ISLR2: variants seen among roughly 807,000 people sequenced by gnomAD.
ISLR2 encodes the protein immunoglobulin superfamily containing leucine rich repeat 2.
A neutral mutation model predicts 25.5 loss-of-function variants in ISLR2; 16 were observed. That is an observed-to-expected ratio of 0.63 (90% CI 0.43 to 0.95). The LOEUF is 0.95. Ranked by LOEUF, ISLR2 falls within the 40% of genes least tolerant of loss-of-function variation. The pLI is 0.00. For missense variants in ISLR2, 883 were observed against 1,030.7 expected, an observed-to-expected ratio of 0.86 and a Z score of 1.96; for synonymous variants, 508 against 486.6, an observed-to-expected ratio of 1.04 and a Z score of -0.58.
At chr15:74,137,501 A>G (rs1444402801), downstream of ISLR2, among the ~76,000 whole-genome samples, 1 of 152,172 alleles carries the variant, frequency 6.6e-6, no homozygotes, top group African/African-American at 2.4e-5. Context: ...CTGGGGAATC[A>G]GGGTTGAAAA....
At chr15:74,141,017 C>A (rs190380774), downstream of ISLR2, among the ~76,000 whole-genome samples, 28 of 152,184 alleles carry the variant, frequency 1.8e-4, no homozygotes, top group Non-Finnish European at 1.0e-4. Flanking sequence ...ATCCAAAGGC[C>A]CCATGATGGG....
chr15:74,111,464 AT>A (rs36035436), intron 2 of ISLR2, among the ~76,000 whole-genome samples: 1 of 151,634 alleles, frequency 6.6e-6, no homozygotes, highest in African/African-American at 2.4e-5. Flanking sequence ...TAATTTTTGT[AT>A]TTTTAGTGTA....
chr15:74,134,631 G>A lies in ISLR2; in HGVS notation c.1877G>A (p.Arg626His), dbSNP rs781082368. The A allele has an allele frequency of 1.1e-5, 17 of 1,613,992 alleles. No individual in the cohort carries two copies. Among genetic ancestry groups the A allele is most frequent in the Non-Finnish European group, 1.4e-5 (16 of 1,180,030 alleles). Residue 626 changes from arginine (R) to histidine (H), a missense_variant, in exon 3 of 3, where the codon CGT becomes CAT. Arg to His is a conservative substitution (Grantham distance 29). Coordinates refer to ENST00000453268, the MANE Select transcript of ISLR2 (RefSeq NM_020851.3). ...GCTAAACACCCGGGCAAGCCCTACC[G>A]TCTGATCCTGCGGCCTCAGGCCCCT... The part of the protein sequence containing the change: ...LLAKHPGKPY[R>H]LILRPQAPDP...
upstream of ISLR2, chr15:74,128,672 A>AG (rs1481868671): frequency 2.2e-6 from 1 of 456,160 alleles, no homozygotes; most frequent in Non-Finnish European, 4.4e-6. Flanking sequence ...AAACCGGCGG[A>AG]GGGCCTTGAG....
chr15:74,118,223 G>A (rs1031891173), intron 2 of ISLR2, among the ~76,000 whole-genome samples: 20 of 152,160 alleles, frequency 1.3e-4, no homozygotes, highest in East Asian at 3.8e-4. Context: ...CCCCCGAGCC[G>A]TAAAACCAGC....
downstream of ISLR2, among the ~76,000 whole-genome samples, chr15:74,139,598 T>A (rs1043198348): frequency 6.6e-6 from 1 of 152,288 alleles, no homozygotes; most frequent in African/African-American, 2.4e-5. Flanking sequence ...ATCAGTTGTT[T>A]AGCAGTTTAA....
At chr15:74,128,816 C>T (rs1002252721), upstream of ISLR2, 27 of 405,742 alleles carry the variant, frequency 6.7e-5, no homozygotes, top group African/African-American at 1.5e-4. Flanking sequence ...AGACCGCCCC[C>T]TCAGGGTTCC....
downstream of ISLR2, among the ~76,000 whole-genome samples, chr15:74,137,311 C>T (rs1369303845): frequency 6.6e-6 from 1 of 152,184 alleles, no homozygotes; most frequent in African/African-American, 2.4e-5. Context: ...ACAAATAACA[C>T]AAAGTACAGA....
Position 74,135,247 on chromosome 15 carries a change from A to C in ISLR2, c.*255A>C. 1.0e-5 allele frequency: 5 copies of C among 485,260 alleles called. No homozygotes were observed. The highest frequency in any genetic ancestry group is 6.8e-5 in the East Asian group (2 of 29,498). 30.1% of individuals were successfully genotyped at this position (485,260 alleles called of 1,614,324 possible). On this transcript the variant is annotated 3_prime_UTR_variant, in exon 3 of 3. Transcript: ENST00000453268. ...CCAAGCACAGTGTTTATCTTACCCCATGCAAGACTCCACCCGCAGACGGTG... is the reference window on the plus strand; with the variant it reads ...CCAAGCACAGTGTTTATCTTACCCCCTGCAAGACTCCACCCGCAGACGGTG...
intron 1 of ISLR2, 71 bp from the exon 2 acceptor site, chr15:74,131,136 A>C (rs2072406548): frequency 6.5e-6 from 1 of 152,746 alleles, no homozygotes; most frequent in South Asian, 2.1e-4. Flanking sequence ...TTGAAGTGGT[A>C]CTTTGGGGCC....
chr15:74,129,103 G>T (rs185919706), upstream of ISLR2: 3 of 455,672 alleles, frequency 6.6e-6, no homozygotes, highest in Admixed American at 4.7e-5. This position sits in a 1 kb window ranked among gnomAD's most constrained non-coding sequence, Gnocchi z 4.5. Flanking sequence ...GGTCGGCGGG[G>T]GGGGACTCCA....
chr15:74,137,324 G>A (rs1169692784), downstream of ISLR2, among the ~76,000 whole-genome samples: 1 of 152,206 alleles, frequency 6.6e-6, no homozygotes, highest in Non-Finnish European at 1.5e-5. Context: ...AGTACAGAGC[G>A]GGCAAATGAT....
At chr15:74,116,434 A>G in intron 2 of ISLR2, among the ~76,000 whole-genome samples, 1 of 152,058 alleles carries the variant, frequency 6.6e-6, no homozygotes, top group Non-Finnish European at 1.5e-5. Flanking sequence ...TTTTCAAAAA[A>G]TTTAATGAAG....
chr15:74,131,411 C>T (rs1425294764), intron 2 of ISLR2, 95 bp downstream of exon 2: 1 of 152,702 alleles, frequency 6.5e-6, no homozygotes, highest in Non-Finnish European at 1.5e-5. Flanking sequence ...GGGGTGCTGT[C>T]TGGCAGGAAC....
chr15:74,128,316 CG>C, upstream of ISLR2: 1 of 411,754 alleles, frequency 2.4e-6, no homozygotes, highest in South Asian at 1.8e-5. Flanking sequence ...GGGTAAGGGG[CG>C]TCTTTCCCCC....
In ISLR2 at chr15:74,135,140, T is replaced by C; in HGVS notation, c.*148T>C. On this transcript the variant is annotated 3_prime_UTR_variant, in exon 3 of 3. Transcript: ENST00000453268. ...CTCCCCAACCTTGACTACCAGGGACTTCTATTAGGGAGTGGGCCGATTTCA... is the reference window on the plus strand; with the variant it reads ...CTCCCCAACCTTGACTACCAGGGACCTCTATTAGGGAGTGGGCCGATTTCA... 1 of 986,946 alleles carries C rather than the reference T, an allele frequency of 1.0e-6. No individual in the cohort carries two copies. Among genetic ancestry groups the C allele is most frequent in the Non-Finnish European group, 1.5e-6 (1 of 672,276 alleles). The allele number at this position is 986,946 out of a possible 1,614,324, so 61.1% of individuals were successfully genotyped here.
Position 74,133,759 on chromosome 15 carries a change from C to T in ISLR2, c.1005C>T (p.Leu335=), listed in dbSNP as rs753131161. Residue 335 remains leucine, a synonymous_variant, in exon 3 of 3, where the codon CTC becomes CTT. Coordinates refer to ENST00000453268, the MANE Select transcript of ISLR2 (RefSeq NM_020851.3). ...APPATPRFLA[L]ANGSLLVPLL... ...CAGCCACACCGCGCTTCCTGGCCCT[C>T]GCAAATGGCTCCCTGTTGGTGCCCC... The T allele has an allele frequency of 6.2e-7, 1 of 1,613,532 alleles. No individual in the cohort carries two copies. Among genetic ancestry groups the T allele is most frequent in the East Asian group, 2.2e-5 (1 of 44,886 alleles).
At chr15:74,125,560 G>A (rs1299880969), upstream of ISLR2, among the ~76,000 whole-genome samples, 1 of 152,216 alleles carries the variant, frequency 6.6e-6, no homozygotes, top group East Asian at 1.9e-4. Context: ...TTGAATGCAG[G>A]AGTATCGCCT....
intron 2 of ISLR2, among the ~76,000 whole-genome samples, chr15:74,120,631 G>C (rs2072245996): frequency 6.6e-6 from 1 of 151,978 alleles, no homozygotes; most frequent in South Asian, 2.1e-4. Flanking sequence ...CTTGGGAACA[G>C]GGAGCTGTGT....
Sources: gnomAD v4.1 joint callset for allele counts (sites outside exome capture counted in the v4.1 genomes callset) on GRCh38, gnomAD v4.1.1 for gene constraint, Gnocchi (gnomAD v3.1) non-coding constraint, MANE v1.5 for transcripts, NCBI Gene and HGNC (gene_info 2026-07-23, HGNC 2026-07-21) for gene names.